Variants in ARRDC2 observed in about 807,000 individuals in gnomAD.
The protein encoded by ARRDC2 is arrestin domain-containing protein 2.
In ARRDC2, 39 loss-of-function variants were observed where a neutral mutation model predicts 38.9. The observed-to-expected ratio is 1.00, with a 90% CI of 0.78 to 1.31. The LOEUF is 1.31. ARRDC2 is among the 50% of genes most tolerant of loss of function. The probability of loss-of-function intolerance (pLI) is 0.00; values close to 1 mark genes in which losing one functional copy is unlikely to be tolerated. For synonymous variants in ARRDC2, 300 were observed against 261.9 expected, an observed-to-expected ratio of 1.15 and a Z score of -1.41; for missense variants, 553 against 588.4, an observed-to-expected ratio of 0.94 and a Z score of 0.62.
upstream of ARRDC2, among the ~76,000 whole-genome samples, chr19:18,005,375 C>A (rs901181322): frequency 2.6e-5 from 4 of 152,152 alleles, no homozygotes; most frequent in African/African-American, 9.6e-5. Context: ...AATGAAAAGT[C>A]TCCCATGTCT....
At position 18,013,045 on chromosome 19, in the gene ARRDC2, G is replaced by C; in HGVS notation, c.*79G>C. On this transcript the variant is annotated 3_prime_UTR_variant, in exon 8 of 8. Coordinates refer to ENST00000222250, the MANE Select transcript of ARRDC2 (RefSeq NM_015683.2). ...TGACTGTGGGGAGTGGCTGGACCAA[G>C]GGCTGACCTCCCCGACTGCATCAAA... is the stretch of plus-strand genomic sequence containing the variant. The C allele has an allele frequency of 2.0e-6, 3 of 1,481,346 alleles. No individual in the cohort carries two copies. The highest frequency in any genetic ancestry group is 2.8e-6 in the Non-Finnish European group (3 of 1,070,924). The allele number at this position is 1,481,346 out of a possible 1,614,324, so 91.8% of individuals were successfully genotyped here. A position where few individuals can be genotyped will look rare whatever the true frequency, so the allele number is the denominator to read the frequency against.
At chr19:18,010,785 T>A in intron 7 of ARRDC2, 56 bp downstream of exon 7, 1 of 1,576,028 alleles carries the variant, frequency 6.3e-7, no homozygotes, top group East Asian at 2.2e-5. Flanking sequence ...GGAGCCTTGA[T>A]GGGGTGGCAG....
At chr19:18,004,382 G>A (rs2033232810), upstream of ARRDC2, among the ~76,000 whole-genome samples, 1 of 150,232 alleles carries the variant, frequency 6.7e-6, no homozygotes, top group Admixed American at 6.6e-5. Flanking sequence ...CAAGTAGCTG[G>A]GATTACAGGC....
intron 1 of ARRDC2, among the ~76,000 whole-genome samples, chr19:18,002,100 TGGTGG>T (rs1460331669): frequency 6.6e-6 from 1 of 152,126 alleles, no homozygotes; most frequent in African/African-American, 2.4e-5. Context: ...GAGATCTCCC[TGGTGG>T]ACCCCAGTGT....
chr19:18,010,616 G>C lies in ARRDC2; in HGVS notation c.1057G>C (p.Ala353Pro). 1 of 1,613,870 alleles carries C rather than the reference G, an allele frequency of 6.2e-7. No homozygotes were observed. Among genetic ancestry groups the C allele is most frequent in the Non-Finnish European group, 8.5e-7 (1 of 1,180,016 alleles). The change falls in exon 7 of 8, where the codon GCC (alanine) becomes CCC (proline). Residue 353 changes from alanine to proline, a missense_variant. Physicochemically the swap from Ala to Pro is conservative, Grantham distance 27 (BLOSUM62 -1). Around this residue, in one of 3 missense-constraint regions of ARRDC2, gnomAD observed 100 missense variants for 107.6 expected, o/e 0.93. Transcript: ENST00000222250. Reference protein sequence around the residue: ...SEVVADTEEAALGQSPFPLPQ... With the variant: ...SEVVADTEEAPLGQSPFPLPQ... ...GGTGGTAGCCGACACTGAGGAGGCA[G>C]CCTTGGGGCAGAGCCCCTTCCCGCT...
At position 18,013,349 on chromosome 19, in the gene ARRDC2, G is replaced by A. The variant is rs2033450770; in HGVS notation, c.*383G>A. On this transcript the variant is annotated 3_prime_UTR_variant, in exon 8 of 8. Coordinates refer to ENST00000222250, the MANE Select transcript of ARRDC2 (RefSeq NM_015683.2). ...AGAGACCTGCAACTGTGAGAGTCCA[G>A]ACAGGAAGCAGAGAAGGCGTCCTTG... The A allele has an allele frequency of 5.1e-6, 1 of 194,584 alleles. No homozygotes were observed. 12.1% of individuals were successfully genotyped at this position (194,584 alleles called of 1,614,324 possible).
rs750247141 is a variant in ARRDC2 at position 18,009,925 on chromosome 19, C to T, written c.735C>T (p.Gly245=). The stretch of plus-strand genomic sequence containing the variant: ...GGGCAGTGGTGGCCAGCCTCGCGGG[C>T]GAGCCGGTGGGCCCCGGGCAGCGGG... ...QKRAVVASLA[G]EPVGPGQRAL... The change falls in exon 5 of 8, where the codon GGC becomes GGT. Residue 245 remains glycine, a synonymous_variant. Transcript: ENST00000222250. 17 of 1,603,520 alleles carry T rather than the reference C, an allele frequency of 1.1e-5. No homozygotes were observed. Among genetic ancestry groups the T allele is most frequent in the South Asian group, 4.4e-5 (4 of 90,898 alleles).
chr19:18,003,720 A>G (rs1238473815), upstream of ARRDC2, among the ~76,000 whole-genome samples: 1 of 151,824 alleles, frequency 6.6e-6, no homozygotes, highest in African/African-American at 2.4e-5. Flanking sequence ...GCTCACTGCA[A>G]GCTCTGCCTC....
At chr19:18,009,273 T>A in intron 3 of ARRDC2, 155 bp downstream of exon 3, 1 of 880,590 alleles carries the variant, frequency 1.1e-6, no homozygotes, top group Non-Finnish European at 1.7e-6. Context: ...CACTGGGATC[T>A]GCACCCATTT....
rs761619662 is a variant in ARRDC2 at position 18,010,375 on chromosome 19, C to T, written c.1012+17C>T. On this transcript the variant is annotated intron_variant, in intron 6 of 7. Coordinates refer to ENST00000222250, the MANE Select transcript of ARRDC2 (RefSeq NM_015683.2). ...GGCCTGAGGGTAAGCTCCCACCCTG[C>T]TTGCATGCAGAGGGTGGGTGGATAC... 2.5e-6 allele frequency: 4 copies of T among 1,602,204 alleles called. No individual in the cohort carries two copies. The highest frequency in any genetic ancestry group is 3.4e-6 in the Non-Finnish European group (4 of 1,177,184).
intron 1 of ARRDC2, among the ~76,000 whole-genome samples, chr19:18,002,647 G>T (rs1292169560): frequency 6.6e-6 from 1 of 152,200 alleles, no homozygotes; most frequent in African/African-American, 2.4e-5. Context: ...CCACAGGTGC[G>T]GGGGACCCTT....
intron 1 of ARRDC2, among the ~76,000 whole-genome samples, chr19:18,001,736 A>T (rs538638936): frequency 6.6e-6 from 1 of 152,254 alleles, no homozygotes; most frequent in African/African-American, 2.4e-5. Context: ...ACAGGTCAGG[A>T]GTTCAAGACT....
chr19:18,005,232 C>T (rs573044488), upstream of ARRDC2, among the ~76,000 whole-genome samples: 30 of 152,006 alleles, frequency 2.0e-4, no homozygotes, highest in African/African-American at 7.2e-4. Flanking sequence ...TTTAACAAAG[C>T]ACATCTTGCA....
chr19:18,010,527 G>C (rs778237925), intron 6 of ARRDC2, 45 bp from the exon 7 acceptor site: 9 of 1,605,418 alleles, frequency 5.6e-6, no homozygotes, highest in Middle Eastern at 1.7e-4. Flanking sequence ...CCTTGGAGCA[G>C]GGCTCTCTCC....
In ARRDC2 at chr19:18,010,572, C is replaced by T. The variant is rs773279633; in HGVS notation, c.1013C>T (p.Ala338Val). 5.0e-6 allele frequency: 8 copies of T among 1,613,554 alleles called. No individual in the cohort carries two copies. The highest frequency in any genetic ancestry group is 6.8e-6 in the Non-Finnish European group (8 of 1,179,948). ...CACCCACCCTGTCTCTCGCTTCCAG[C>T]TCCTCCTGAGTACTCGGAGGTGGTA... is the stretch of plus-strand genomic sequence containing the variant. Reference protein sequence around the residue: ...RLGALPERPEAPPEYSEVVAD... With the variant: ...RLGALPERPEVPPEYSEVVAD... The change falls in exon 7 of 8, where the codon GCT (alanine) becomes GTT (valine). Residue 338 changes from alanine to valine, a missense_variant and splice_region_variant. By Grantham distance (64) the Ala-to-Val change is moderately conservative. Transcript: ENST00000222250.
At position 18,013,482 on chromosome 19, in the gene ARRDC2, C is replaced by A. The variant is rs2033452892; in HGVS notation, c.*516C>A. ...GTCAGAGCTGAGTGACGTTTGGAAT[C>A]CACCCCGTTTATTGTAGAACTGGGG... On this transcript the variant is annotated 3_prime_UTR_variant, in exon 8 of 8. Coordinates refer to ENST00000222250, the MANE Select transcript of ARRDC2 (RefSeq NM_015683.2). 1 of 153,194 alleles carries A rather than the reference C, an allele frequency of 6.5e-6. No individual in the cohort carries two copies. Among genetic ancestry groups the A allele is most frequent in the Non-Finnish European group, 1.5e-5 (1 of 68,490 alleles). The allele number at this position is 153,194 out of a possible 1,614,324, so 9.5% of individuals were successfully genotyped here.
In ARRDC2 at chr19:18,008,495, C is replaced by T. The variant is rs920695107; in HGVS notation, c.185C>T (p.Ser62Leu). The T allele has an allele frequency of 3.9e-6, 6 of 1,528,972 alleles. No homozygotes were observed. Among genetic ancestry groups the T allele is most frequent in the Non-Finnish European group, 5.2e-6 (6 of 1,144,752 alleles). 94.7% of individuals were successfully genotyped at this position (1,528,972 alleles called of 1,614,324 possible). ...CGCGCCCACGTGCACTGGACCGAGT[C>T]GCGCAGCGCGGGCTCGAGCACGGCT... ...RGRAHVHWTESRSAGSSTAYT... is the reference protein window; with the variant it reads ...RGRAHVHWTELRSAGSSTAYT... Residue 62 changes from serine (S) to leucine (L), a missense_variant, in exon 1 of 8, where the codon TCG (serine) becomes TTG (leucine). Ser to Leu is a moderately radical substitution (Grantham distance 145). Around this residue, in one of 3 missense-constraint regions of ARRDC2, gnomAD observed 447 missense variants for 456.6 expected, o/e 0.98. Coordinates refer to ENST00000222250, the MANE Select transcript of ARRDC2 (RefSeq NM_015683.2).
At chr19:18,006,689 G>T (rs2033286788), upstream of ARRDC2, among the ~76,000 whole-genome samples, 1 of 152,134 alleles carries the variant, frequency 6.6e-6, no homozygotes, top group South Asian at 2.1e-4. Flanking sequence ...TACATTTAAG[G>T]AAAAAACAGT....
At chr19:18,009,542 G>A (rs2146004730) in intron 3 of ARRDC2, 50 bp from the exon 4 acceptor site, 1 of 1,513,774 alleles carries the variant, frequency 6.6e-7, no homozygotes, top group East Asian at 2.3e-5. Context: ...CACAGCGACT[G>A]TGGTTTGCAC....
Sources: gnomAD v4.1 joint callset for allele counts (sites outside exome capture counted in the v4.1 genomes callset) on GRCh38, gnomAD v4.1.1 for gene constraint, gnomAD v4.1.1 regional missense constraint, MANE v1.5 for transcripts, NCBI Gene and HGNC (gene_info 2026-07-23, HGNC 2026-07-21) for gene names.